VPS33B: variants seen among roughly 807,000 people sequenced by gnomAD.
VPS33B encodes vacuolar protein sorting-associated protein 33B.
A neutral mutation model predicts 95.3 loss-of-function variants in VPS33B; 80 were observed. The ratio of observed to expected loss-of-function variants is 0.84; its 90% CI spans 0.70 to 1.01. The LOEUF (loss-of-function observed/expected upper bound fraction) is 1.01, where lower values mean the gene tolerates loss of function less well. Among genes scored for constraint, VPS33B ranks in the 50% least tolerant of loss-of-function variants. VPS33B has a pLI of 0.00. For missense variants in VPS33B, 715 were observed against 773.4 expected (o/e 0.92, Z 0.90); for synonymous variants, 280 against 280.4 (o/e 1.00, Z 0.01).
rs200637651 is a variant in VPS33B at position 91,002,212 on chromosome 15, G to A, written c.1273-30C>T. ...AGAAGATGCAATTAGACTATTTACTGAGTGTCCAAAGAGCATCTAGTACTG... is the reference window on the plus strand; with the variant it reads ...AGAAGATGCAATTAGACTATTTACTAAGTGTCCAAAGAGCATCTAGTACTG... On this transcript the variant is annotated intron_variant, in intron 17 of 22. Transcript: ENST00000333371. This position sits in a 1 kb window ranked among gnomAD's most constrained non-coding sequence, Gnocchi z 4.7. 87 of 1,613,526 alleles carry A rather than the reference G, an allele frequency of 5.4e-5. 1 individual carries two copies. The African/African-American group carries it at 8.9e-4, about 17-fold the overall frequency.
At chr15:91,017,401 T>A (rs374486138) in intron 2 of VPS33B, among the ~76,000 whole-genome samples, 3,735 of 82,088 alleles carry the variant, frequency 0.045, 813 homozygotes, top group East Asian at 0.3. Context: ...TATATATATA[T>A]ATATATATAT....
In VPS33B at chr15:91,007,162, A is replaced by C; in HGVS notation, c.604-116T>G. On this transcript the variant is annotated intron_variant, in intron 8 of 22. Transcript: ENST00000333371. This position sits in a 1 kb window ranked among gnomAD's most constrained non-coding sequence, Gnocchi z 5.3. ...CCTCTTGTCCCCGAGACAGGAGCTA[A>C]TTATTCACAATATGGCCCTATCTAC... 1 of 1,083,622 alleles carries C rather than the reference A, an allele frequency of 9.2e-7. No individual in the cohort carries two copies. Among genetic ancestry groups the C allele is most frequent in the Non-Finnish European group, 1.4e-6 (1 of 715,138 alleles). The allele number at this position is 1,083,622 out of a possible 1,614,324, so 67.1% of individuals were successfully genotyped here.
intron 3 of VPS33B, among the ~76,000 whole-genome samples, chr15:91,016,375 CT>C (rs796637381): frequency 5.0e-3 from 479 of 96,002 alleles, no homozygotes; most frequent in Middle Eastern, 0.014. Context: ...GCAGATTCTT[CT>C]TTTTTTTTTT....
At chr15:91,012,698 G>C (rs1339931994) in intron 5 of VPS33B, among the ~76,000 whole-genome samples, 1 of 152,198 alleles carries the variant, frequency 6.6e-6, no homozygotes, top group Non-Finnish European at 1.5e-5. Flanking sequence ...TAAAGGCCTG[G>C]AACGTCATTC....
Position 91,022,563 on chromosome 15 carries a change from C to A in VPS33B, c.-314G>T. 3.9e-6 allele frequency: 1 copy of A among 255,078 alleles called. No homozygotes were observed. Among genetic ancestry groups the A allele is most frequent in the Non-Finnish European group, 7.4e-6 (1 of 135,498 alleles). 15.8% of individuals were successfully genotyped at this position (255,078 alleles called of 1,614,324 possible). On this transcript the variant is annotated 5_prime_UTR_variant, in exon 1 of 23. Transcript: ENST00000333371. ...GAGACTCCGCAGCGTACGAGGAGAA[C>A]CCCGCCTTCTACCAGAAAAAGAAGC...
chr15:91,013,357 G>A lies in VPS33B; in HGVS notation c.357+447C>T, dbSNP rs2040832162. On this transcript the variant is annotated intron_variant, in intron 5 of 22. Coordinates refer to ENST00000333371, the MANE Select transcript of VPS33B (RefSeq NM_018668.5). The surrounding 1 kb of genome is among the most constrained non-coding windows in gnomAD (Gnocchi z 4.5). ...TAATTTGCTTTGAGGGAGTGCTATGGTTTGAATGTGTCTCCCAAAAGTTCA... is the reference window on the plus strand; with the variant it reads ...TAATTTGCTTTGAGGGAGTGCTATGATTTGAATGTGTCTCCCAAAAGTTCA... Among the ~76,000 whole-genome samples the A allele has an allele frequency of 6.6e-6, 1 of 152,218 alleles. No homozygotes were observed. Among genetic ancestry groups the A allele is most frequent in the Admixed American group, 6.5e-5 (1 of 15,286 alleles).
At chr15:91,020,539 A>AT (rs34407460) in intron 1 of VPS33B, among the ~76,000 whole-genome samples, 83,632 of 151,912 alleles carry the variant, frequency 0.55, 25,944 homozygotes, top group East Asian at 0.99. Context: ...TTCTTCAGAC[A>AT]TTGTTGCAAG....
chr15:91,006,587 C>T lies in VPS33B; in HGVS notation c.778+65G>A, dbSNP rs746809328. The T allele has an allele frequency of 2.6e-5, 42 of 1,610,000 alleles. No homozygotes were observed. The highest frequency in any genetic ancestry group is 8.9e-5 in the East Asian group (4 of 44,870). On this transcript the variant is annotated intron_variant, in intron 10 of 22. Coordinates refer to ENST00000333371, the MANE Select transcript of VPS33B (RefSeq NM_018668.5). The surrounding 1 kb of genome is among the most constrained non-coding windows in gnomAD (Gnocchi z 5.4). Reference sequence around the variant, plus strand: ...GGTCTCTCCCACAAACCCTGCCCCACGTGGGAGGTGCCAAGGCTGATGACC... The same window carrying T: ...GGTCTCTCCCACAAACCCTGCCCCATGTGGGAGGTGCCAAGGCTGATGACC...
Position 91,009,932 on chromosome 15 carries a change from G to A in VPS33B, c.358-86C>T, listed in dbSNP as rs1836750897. The A allele has an allele frequency of 4.0e-6, 6 of 1,512,308 alleles. No individual in the cohort carries two copies. The East Asian group carries it at 1.4e-4, about 35-fold the overall frequency. 93.7% of individuals were successfully genotyped at this position (1,512,308 alleles called of 1,614,324 possible). A position where few individuals can be genotyped will look rare whatever the true frequency, so the allele number is the denominator to read the frequency against. On this transcript the variant is annotated intron_variant, in intron 5 of 22. Coordinates refer to ENST00000333371, the MANE Select transcript of VPS33B (RefSeq NM_018668.5). The surrounding 1 kb of genome is among the most constrained non-coding windows in gnomAD (Gnocchi z 4.1). ...GGAGTTCCTCTGTGGTCACTGATGA[G>A]GACAATAATTGCCGAACCCAGTGAA...
chr15:91,007,547 A>G lies in VPS33B; in HGVS notation c.525T>C (p.Thr175=). 1 of 1,614,204 alleles carries G rather than the reference A, an allele frequency of 6.2e-7. No individual in the cohort carries two copies. Among genetic ancestry groups the G allele is most frequent in the Non-Finnish European group, 8.5e-7 (1 of 1,180,032 alleles). The change falls in exon 8 of 23, where the codon ACT becomes ACC. Residue 175 remains threonine (T), a synonymous_variant. Transcript: ENST00000333371. This position sits in a 1 kb window ranked among gnomAD's most constrained non-coding sequence, Gnocchi z 5.3. ...FLEGDQRWIN[T]VAQALHLLST... Reference sequence around the variant, plus strand: ...TGAGAAGGTGTAAGGCCTGAGCTACAGTGTTGATCCAACGCTGATCTCCTT... The same window carrying G: ...TGAGAAGGTGTAAGGCCTGAGCTACGGTGTTGATCCAACGCTGATCTCCTT...
At chr15:91,012,890 C>T (rs974478788) in intron 5 of VPS33B, among the ~76,000 whole-genome samples, 4 of 152,202 alleles carry the variant, frequency 2.6e-5, no homozygotes, top group African/African-American at 9.7e-5. Flanking sequence ...GGCTTCAGTT[C>T]CCTCAGCTGC....
chr15:91,017,718 A>G, intron 2 of VPS33B, 87 bp downstream of exon 2: 2 of 1,245,728 alleles, frequency 1.6e-6, no homozygotes, highest in Non-Finnish European at 2.4e-6. Flanking sequence ...GCCCTACAAG[A>G]GTAGTCACTC....
chr15:91,004,236 A>G (rs78946279), intron 16 of VPS33B, among the ~76,000 whole-genome samples: 1 of 149,438 alleles, frequency 6.7e-6, no homozygotes. Flanking sequence ...AAAAAAAAAA[A>G]GAAGAAAAAG....
chr15:91,000,570 A>G lies in VPS33B; in HGVS notation c.1501T>C (p.Tyr501His), dbSNP rs200539802. 184 of 1,612,934 alleles carry G rather than the reference A, an allele frequency of 1.1e-4. No individual in the cohort carries two copies. Among genetic ancestry groups the G allele is most frequent in the Non-Finnish European group, 1.4e-4 (167 of 1,179,364 alleles). The change falls in exon 20 of 23, where the codon TAT becomes CAT. Residue 501 changes from tyrosine to histidine, a missense_variant. Physicochemically the swap from Tyr to His is moderately conservative, Grantham distance 83. Transcript: ENST00000333371. This position sits in a 1 kb window ranked among gnomAD's most constrained non-coding sequence, Gnocchi z 4.9. ...LNLIPRVDGE[Y>H]DLKVPRDMAY... ...ATGTCTCGGGGCACTTTCAGATCAT[A>G]CTCGCCGTCCACACGTGGGATCTGT...
Position 91,009,809 on chromosome 15 carries a change from A to C in VPS33B, c.395T>G (p.Ile132Ser). Residue 132 changes from isoleucine to serine, a missense_variant, in exon 6 of 23, where the codon ATC (isoleucine) becomes AGC (serine). Physicochemically the swap from Ile to Ser is moderately radical, Grantham distance 142 (BLOSUM62 -2). Coordinates refer to ENST00000333371, the MANE Select transcript of VPS33B (RefSeq NM_018668.5). The surrounding 1 kb of genome is among the most constrained non-coding windows in gnomAD (Gnocchi z 4.1). Reference protein sequence around the residue: ...ACEMVLEEEGIYGDVSCDEWA... With the variant: ...ACEMVLEEEGSYGDVSCDEWA... Reference sequence around the variant, plus strand: ...CATTCATCTCCTCTCACCTCCATAGATTCCCTCTTCCTCAAGCACCATCTC... The same window carrying C: ...CATTCATCTCCTCTCACCTCCATAGCTTCCCTCTTCCTCAAGCACCATCTC... 1 of 1,614,064 alleles carries C rather than the reference A, an allele frequency of 6.2e-7. No individual in the cohort carries two copies. The highest frequency in any genetic ancestry group is 8.5e-7 in the Non-Finnish European group (1 of 1,179,992).
chr15:91,000,428 A>G lies in VPS33B; in HGVS notation c.1581+62T>C, dbSNP rs1223802033. ...AAAAAAAAAAACATTGAGACACGCC[A>G]GGGACCAAGAGAAAGCAGAGAGAAT... On this transcript the variant is annotated intron_variant, in intron 20 of 22. Coordinates refer to ENST00000333371, the MANE Select transcript of VPS33B (RefSeq NM_018668.5). This position sits in a 1 kb window ranked among gnomAD's most constrained non-coding sequence, Gnocchi z 4.9. 2.1e-6 allele frequency: 3 copies of G among 1,460,340 alleles called. No individual in the cohort carries two copies. Among genetic ancestry groups the G allele is most frequent in the Non-Finnish European group, 2.8e-6 (3 of 1,054,196 alleles). 90.5% of individuals were successfully genotyped at this position (1,460,340 alleles called of 1,614,324 possible).
chr15:91,002,159 T>C lies in VPS33B; in HGVS notation c.1296A>G (p.Leu432=). 4.3e-6 allele frequency: 7 copies of C among 1,614,182 alleles called. No individual in the cohort carries two copies. Among genetic ancestry groups the C allele is most frequent in the Non-Finnish European group, 5.9e-6 (7 of 1,180,024 alleles). The part of the protein sequence containing the change: ...YLQSYGPEHL[L]TFSNLRRAGL... Reference sequence around the variant, plus strand: ...CAGCTCTTCGCAGATTGGAGAAGGTTAGCAGGTGCTCAGGGCCATAGCTCT... The same window carrying C: ...CAGCTCTTCGCAGATTGGAGAAGGTCAGCAGGTGCTCAGGGCCATAGCTCT... The change falls in exon 18 of 23, where the codon CTA becomes CTG. Residue 432 remains leucine (L), a synonymous_variant. Transcript: ENST00000333371. This position sits in a 1 kb window ranked among gnomAD's most constrained non-coding sequence, Gnocchi z 4.7.
chr15:91,004,438 G>A (rs2040538871), intron 16 of VPS33B, among the ~76,000 whole-genome samples: 1 of 151,562 alleles, frequency 6.6e-6, no homozygotes, highest in South Asian at 2.1e-4. Flanking sequence ...CAGGAGGTGG[G>A]GGTTGTGGTG....
intron 16 of VPS33B, among the ~76,000 whole-genome samples, chr15:91,004,087 G>C (rs1239484473): frequency 3.9e-5 from 6 of 152,076 alleles, no homozygotes. Context: ...AGCTGGGTAT[G>C]ATAGCGTGCA....
Sources: gnomAD v4.1 joint callset for allele counts (sites outside exome capture counted in the v4.1 genomes callset) on GRCh38, gnomAD v4.1.1 for gene constraint, Gnocchi (gnomAD v3.1) non-coding constraint, MANE v1.5 for transcripts, NCBI Gene and HGNC (gene_info 2026-07-23, HGNC 2026-07-21) for gene names.